The following NRXN1 variants were observed in gnomAD, a reference collection of about 807,000 sequenced individuals.
NRXN1 encodes the protein neurexin 1, also known as neurexin-1.
In NRXN1, 39 loss-of-function variants were observed where a neutral mutation model predicts 150.9. The observed-to-expected ratio is 0.26, with a 90% CI of 0.20 to 0.34. The LOEUF is 0.34. NRXN1 is among the 10% of genes least tolerant of loss of function. The probability of loss-of-function intolerance (pLI) is 1.00; values close to 1 mark genes in which losing one functional copy is unlikely to be tolerated. For synonymous variants in NRXN1, 924 were observed against 757.0 expected (o/e 1.22, Z -3.62); for missense variants, 1,815 against 1,949.9 (o/e 0.93, Z 1.30).
chr2:50,506,686 T>G (rs1573309202), intron 12 of NRXN1, 69 bp from the exon 13 acceptor site: 13 of 1,518,254 alleles, frequency 8.6e-6, no homozygotes, highest in East Asian at 4.7e-5. Flanking sequence ...TCACAGAGAG[T>G]GAGAGAAAGA....
intron 21 of NRXN1, among the ~76,000 whole-genome samples, chr2:50,012,793 G>A (rs756475974): frequency 1.3e-5 from 2 of 152,092 alleles, no homozygotes; most frequent in Non-Finnish European, 2.9e-5. Context: ...TACAGTGAAT[G>A]GGAAAAGTCC....
intron 17 of NRXN1, among the ~76,000 whole-genome samples, chr2:50,383,045 G>A (rs1434680119): frequency 6.6e-6 from 1 of 152,052 alleles, no homozygotes; most frequent in African/African-American, 2.4e-5. Context: ...TTGGTCACAA[G>A]CAACTTGATC....
At chr2:50,820,012 A>C (rs1177456108) in intron 5 of NRXN1, among the ~76,000 whole-genome samples, 2 of 152,084 alleles carry the variant, frequency 1.3e-5, no homozygotes, top group Non-Finnish European at 2.9e-5. Flanking sequence ...GTTACAGGTC[A>C]CTTTTTCCTT....
chr2:50,656,755 A>G (rs1217210910), intron 5 of NRXN1, among the ~76,000 whole-genome samples: 1 of 151,902 alleles, frequency 6.6e-6, no homozygotes. Context: ...AAAGAAAAAA[A>G]AAAAGACAAA....
At chr2:50,834,602 T>C (rs2105901991) in intron 5 of NRXN1, among the ~76,000 whole-genome samples, 1 of 152,332 alleles carries the variant, frequency 6.6e-6, no homozygotes, top group Admixed American at 6.5e-5. Flanking sequence ...AAATCTGAAT[T>C]TGAAGGACGC....
chr2:50,369,994 C>T (rs755931691), intron 17 of NRXN1, among the ~76,000 whole-genome samples: 3 of 151,984 alleles, frequency 2.0e-5, no homozygotes, highest in Non-Finnish European at 2.9e-5. Context: ...GTAAATGTAT[C>T]TCTTCATAAA....
intron 2 of NRXN1, among the ~76,000 whole-genome samples, chr2:51,006,746 C>G (rs1700779232): frequency 6.6e-6 from 1 of 151,916 alleles, no homozygotes; most frequent in Non-Finnish European, 1.5e-5. Context: ...ACTACAAATT[C>G]TAAGTTATTT....
At chr2:50,048,137 T>A (rs1194583711) in intron 21 of NRXN1, among the ~76,000 whole-genome samples, 1 of 152,196 alleles carries the variant, frequency 6.6e-6, no homozygotes, top group African/African-American at 2.4e-5. Context: ...AACTGTTGCT[T>A]ACACGCATTT....
intron 8 of NRXN1, among the ~76,000 whole-genome samples, chr2:50,618,780 A>T (rs963167858): frequency 5.3e-5 from 8 of 150,022 alleles, no homozygotes; most frequent in African/African-American, 1.9e-4. Flanking sequence ...TAATAATAAT[A>T]AATAATAATA....
intron 17 of NRXN1, among the ~76,000 whole-genome samples, chr2:50,344,301 A>C (rs930409614): frequency 5.9e-5 from 9 of 152,156 alleles, no homozygotes; most frequent in African/African-American, 2.2e-4. Context: ...TTTTCAAAAG[A>C]GAGAAAGGAT....
intron 8 of NRXN1, among the ~76,000 whole-genome samples, chr2:50,595,435 A>C (rs1021101130): frequency 1.3e-5 from 2 of 151,624 alleles, no homozygotes; most frequent in Admixed American, 6.6e-5. Context: ...AAAAAAAAAA[A>C]AATACCCACC....
intron 5 of NRXN1, among the ~76,000 whole-genome samples, chr2:50,703,354 C>T (rs553801766): frequency 5.3e-5 from 8 of 152,174 alleles, no homozygotes; most frequent in African/African-American, 1.9e-4. Flanking sequence ...CAGATAAATG[C>T]AGACTGACCT....
At chr2:50,499,700 C>A (rs2091842648) in intron 13 of NRXN1, among the ~76,000 whole-genome samples, 1 of 152,156 alleles carries the variant, frequency 6.6e-6, no homozygotes, top group Admixed American at 6.5e-5. Flanking sequence ...GTAATCCCAG[C>A]ATTTTGGGAG....
At chr2:50,868,242 T>A (rs1226091889) in intron 5 of NRXN1, among the ~76,000 whole-genome samples, 1 of 144,632 alleles carries the variant, frequency 6.9e-6, no homozygotes, top group African/African-American at 2.5e-5. Flanking sequence ...AAATCATATA[T>A]TTTGCAGGAA....
Position 50,109,495 on chromosome 2 carries a change from C to T in NRXN1, c.3547-18001G>A, listed in dbSNP as rs558045829. Among the ~76,000 whole-genome samples the T allele has an allele frequency of 3.9e-5, 6 of 152,136 alleles. No homozygotes were observed. In the South Asian group the frequency reaches 1.2e-3, roughly 32 times the overall value. On this transcript the variant is annotated intron_variant, in intron 18 of 22. Coordinates refer to ENST00000401669, the MANE Select transcript of NRXN1 (RefSeq NM_001330078.2). ...TGCTTTGACTTTAAAATAGCATACT[C>T]TTCCTGTCTTTTTTGAGATCTAAAA...
At chr2:51,011,900 G>C (rs985603783) in intron 2 of NRXN1, among the ~76,000 whole-genome samples, 21 of 152,128 alleles carry the variant, frequency 1.4e-4, no homozygotes, top group African/African-American at 5.1e-4. Flanking sequence ...CAGCAATCCT[G>C]ATGAGGGAGT....
chr2:50,480,567 C>G lies in NRXN1; in HGVS notation c.3071-8096G>C, dbSNP rs374995983. On this transcript the variant is annotated intron_variant, in intron 15 of 22. Coordinates refer to ENST00000401669, the MANE Select transcript of NRXN1 (RefSeq NM_001330078.2). Reference sequence around the variant, plus strand: ...ACACAGAGAAGCTAACTGTGTGGACCCTTAGTGCTCTGCTCTAGTGAGTTT... The same window carrying G: ...ACACAGAGAAGCTAACTGTGTGGACGCTTAGTGCTCTGCTCTAGTGAGTTT... 3.3e-5 allele frequency among the ~76,000 whole-genome samples: 5 copies of G among 152,122 alleles called. No homozygotes were observed. In the South Asian group the frequency reaches 8.3e-4, roughly 25 times the overall value.
chr2:50,506,036 T>C (rs932923764), intron 13 of NRXN1, among the ~76,000 whole-genome samples: 4 of 152,106 alleles, frequency 2.6e-5, no homozygotes, highest in African/African-American at 9.7e-5. Context: ...AAAAATAATC[T>C]ATTATAGCTT....
chr2:50,298,306 CA>C (rs1284694835), intron 17 of NRXN1, among the ~76,000 whole-genome samples: 1 of 152,020 alleles, frequency 6.6e-6, no homozygotes, highest in Non-Finnish European at 1.5e-5. Context: ...ATGAATAGTT[CA>C]AAATTAGACT....
Sources: allele counts gnomAD v4.1 joint callset (sites outside exome capture counted in the v4.1 genomes callset), GRCh38; gene constraint gnomAD v4.1.1; transcripts MANE v1.5; gene names NCBI Gene and HGNC (gene_info 2026-07-23, HGNC 2026-07-21).